ZMYND11: variants seen among roughly 807,000 people sequenced by gnomAD.
ZMYND11 encodes the protein zinc finger MYND-type containing 11.
ZMYND11 carries 9 observed loss-of-function variants against 84.9 expected under a neutral mutation model. That is an observed-to-expected ratio of 0.11 (90% CI 0.06 to 0.18). ZMYND11 has a LOEUF of 0.18. ZMYND11 is among the 10% of genes least tolerant of loss of function. The probability of loss-of-function intolerance (pLI) is 1.00; values close to 1 mark genes in which losing one functional copy is unlikely to be tolerated. For missense variants in ZMYND11, 409 were observed against 761.0 expected, an observed-to-expected ratio of 0.54 and a Z score of 5.44; for synonymous variants, 250 against 244.1, an observed-to-expected ratio of 1.02 and a Z score of -0.23.
At chr10:238,880 C>CAGGTTCCTTCCTGTTG (rs1950428723) in intron 6 of ZMYND11, among the ~76,000 whole-genome samples, 2 of 152,208 alleles carry the variant, frequency 1.3e-5, no homozygotes, top group Admixed American at 6.5e-5. Flanking sequence ...TTTACTCATG[C>CAGGTTCCTTCCTGTTG]AGGTTCCTTC....
chr10:206,085 C>A (rs564285496), intron 2 of ZMYND11, among the ~76,000 whole-genome samples: 4 of 151,054 alleles, frequency 2.6e-5, no homozygotes, highest in Non-Finnish European at 4.4e-5. Flanking sequence ...TCAGGCCGGG[C>A]GCGGTGGCTC....
chr10:244,723 T>C (rs1360169068), intron 10 of ZMYND11: 1 of 152,268 alleles, frequency 6.6e-6, no homozygotes, highest in African/African-American at 2.4e-5. Context: ...ATTCCTCTTG[T>C]TATTAGACTT....
chr10:252,591 T>A lies in ZMYND11; in HGVS notation c.*121T>A. 7.2e-7 allele frequency: 1 copy of A among 1,393,652 alleles called. No homozygotes were observed. The highest frequency in any genetic ancestry group is 2.8e-5 in the Admixed American group (1 of 36,344). The allele number at this position is 1,393,652 out of a possible 1,614,324, so 86.3% of individuals were successfully genotyped here. A position where few individuals can be genotyped will look rare whatever the true frequency, so the allele number is the denominator to read the frequency against. On this transcript the variant is annotated 3_prime_UTR_variant, in exon 15 of 15. Coordinates refer to ENST00000381604, the MANE Select transcript of ZMYND11 (RefSeq NM_001370100.5). This position sits in a 1 kb window ranked among gnomAD's most constrained non-coding sequence, Gnocchi z 4.6. Reference sequence around the variant, plus strand: ...ATTTTGCACCAGCCTTTAAACACTTTTCGTGAAGAAATTTTGCACAGTAGT... The same window carrying A: ...ATTTTGCACCAGCCTTTAAACACTTATCGTGAAGAAATTTTGCACAGTAGT...
rs1846790846 is a variant in ZMYND11 at position 177,047 on chromosome 10, C to G, written c.-19-2947C>G. 2.0e-5 allele frequency among the ~76,000 whole-genome samples: 3 copies of G among 152,152 alleles called. No homozygotes were observed. The South Asian group carries it at 6.2e-4, about 32-fold the overall frequency. ...TCAAATTGCTGTTCTTTTCTTATAT[C>G]TAGTCACATCACTAGTCATGTACTG... On this transcript the variant is annotated intron_variant, in intron 1 of 14. Coordinates refer to ENST00000381604, the MANE Select transcript of ZMYND11 (RefSeq NM_001370100.5).
intron 3 of ZMYND11, among the ~76,000 whole-genome samples, chr10:215,896 T>G (rs1287490832): frequency 1.3e-5 from 2 of 152,162 alleles, no homozygotes; most frequent in Non-Finnish European, 2.9e-5. Context: ...GTCTTTTGCT[T>G]TTTCTCATTT....
At position 158,984 on chromosome 10, in the gene ZMYND11, GTT is replaced by G. The variant is rs376931420; in HGVS notation, c.-19-21005_-19-21004del. Among the ~76,000 whole-genome samples, 276 of 40,090 alleles carry G rather than the reference GTT, an allele frequency of 6.9e-3. 1 individual carries two copies. The highest frequency in any genetic ancestry group is 0.02 in the African/African-American group (267 of 13,302). The allele number at this position is 40,090 out of a possible 152,430, so 26.3% of individuals were successfully genotyped here. ...AGATATATGATTTGCAGGGTTTTTT[GTT>G]TTTTGTTTTTTTTTTTTTTTTTACA... On this transcript the variant is annotated intron_variant, in intron 1 of 14. Transcript: ENST00000381604.
At chr10:251,505 GT>G (rs1953491235) in intron 14 of ZMYND11, among the ~76,000 whole-genome samples, 1 of 152,140 alleles carries the variant, frequency 6.6e-6, no homozygotes, top group African/African-American at 2.4e-5. Context: ...CTCAACAGCC[GT>G]CAGATCTGCA....
intron 3 of ZMYND11, among the ~76,000 whole-genome samples, chr10:212,674 G>C (rs963164162): frequency 6.6e-6 from 1 of 150,624 alleles, no homozygotes; most frequent in Non-Finnish European, 1.5e-5. Flanking sequence ...GATTAAATGA[G>C]ATTATCTACA....
chr10:239,192 C>T (rs1445539867), intron 6 of ZMYND11, among the ~76,000 whole-genome samples: 1 of 152,216 alleles, frequency 6.6e-6, no homozygotes, highest in Non-Finnish European at 1.5e-5. Flanking sequence ...AAAGTTCACT[C>T]TGATAAATTA....
At chr10:245,412 C>T (rs866829271) in intron 10 of ZMYND11, among the ~76,000 whole-genome samples, 2 of 152,176 alleles carry the variant, frequency 1.3e-5, no homozygotes, top group South Asian at 2.1e-4. Context: ...TTCCTTCCAA[C>T]AGTCATAGGC....
chr10:144,886 TAAATATTA>T (rs1838376207), intron 1 of ZMYND11, among the ~76,000 whole-genome samples: 1 of 150,150 alleles, frequency 6.7e-6, no homozygotes, highest in South Asian at 2.1e-4. Flanking sequence ...TTTAAAATAT[TAAATATTA>T]AAGAGATTTT....
chr10:192,541 C>G (rs892439100), intron 2 of ZMYND11, among the ~76,000 whole-genome samples: 8 of 152,216 alleles, frequency 5.3e-5, no homozygotes, highest in African/African-American at 1.9e-4. Context: ...CTTTTCAGTA[C>G]CACAGATGAC....
intron 10 of ZMYND11, among the ~76,000 whole-genome samples, chr10:244,795 A>G (rs979093773): frequency 2.0e-5 from 3 of 152,252 alleles, no homozygotes; most frequent in Non-Finnish European, 4.4e-5. Context: ...ACCCCGTGAT[A>G]ATCAGATTTC....
rs771758327 is a variant in ZMYND11 at position 210,097 on chromosome 10, T to G, written c.276+49T>G. 7 of 1,587,430 alleles carry G rather than the reference T, an allele frequency of 4.4e-6. No homozygotes were observed. In the Admixed American group the frequency reaches 1.2e-4, roughly 27 times the overall value. On this transcript the variant is annotated intron_variant, in intron 3 of 14. Transcript: ENST00000381604. ...CATAGAGATGTGAACTTTTAGCTTT[T>G]AAACATTATTTAGATACAACCTATA...
At chr10:200,989 T>G (rs1326849676) in intron 2 of ZMYND11, among the ~76,000 whole-genome samples, 1 of 152,096 alleles carries the variant, frequency 6.6e-6, no homozygotes, top group Non-Finnish European at 1.5e-5. Flanking sequence ...ACATTTCTAA[T>G]CTAGTCAGGT....
chr10:164,540 G>A (rs1259159874), intron 1 of ZMYND11, among the ~76,000 whole-genome samples: 2 of 152,162 alleles, frequency 1.3e-5, no homozygotes, highest in Non-Finnish European at 1.5e-5. Context: ...ATTACCCATA[G>A]TATAAAGAAA....
Position 175,327 on chromosome 10 carries a change from C to T in ZMYND11, c.-19-4667C>T, listed in dbSNP as rs1451757542. On this transcript the variant is annotated intron_variant, in intron 1 of 14. Coordinates refer to ENST00000381604, the MANE Select transcript of ZMYND11 (RefSeq NM_001370100.5). ...AAAAGTAATTCTCCCCAGCACTTTGCGAGGCCTAGGTGGGCGGATCACCTG... is the reference window on the plus strand; with the variant it reads ...AAAAGTAATTCTCCCCAGCACTTTGTGAGGCCTAGGTGGGCGGATCACCTG... Among the ~76,000 whole-genome samples the T allele has an allele frequency of 8.5e-5, 13 of 152,092 alleles. No individual in the cohort carries two copies. The East Asian group carries it at 9.6e-4, about 11-fold the overall frequency.
chr10:145,097 T>C (rs1476673541), intron 1 of ZMYND11, among the ~76,000 whole-genome samples: 1 of 151,282 alleles, frequency 6.6e-6, no homozygotes, highest in Non-Finnish European at 1.5e-5. Flanking sequence ...CAAAAGACGT[T>C]ATTTTATTTA....
At chr10:240,797 T>C in intron 8 of ZMYND11, 96 bp from the exon 9 acceptor site, 1 of 946,552 alleles carries the variant, frequency 1.1e-6, no homozygotes, top group Non-Finnish European at 1.6e-6. Flanking sequence ...CAACACTATT[T>C]ATATACGTGA....
Sources: gnomAD v4.1 joint callset for allele counts (sites outside exome capture counted in the v4.1 genomes callset) on GRCh38, gnomAD v4.1.1 for gene constraint, Gnocchi (gnomAD v3.1) non-coding constraint, MANE v1.5 for transcripts, NCBI Gene and HGNC (gene_info 2026-07-23, HGNC 2026-07-21) for gene names.